The following TMEM132D variants were observed in gnomAD, a reference collection of about 807,000 sequenced individuals.
TMEM132D encodes transmembrane protein 132D.
In TMEM132D, 21 loss-of-function variants were observed where a neutral mutation model predicts 62.3. The ratio of observed to expected loss-of-function variants is 0.34; its 90% confidence interval spans 0.24 to 0.49. The LOEUF (loss-of-function observed/expected upper bound fraction) is 0.49. TMEM132D is among the 20% of genes least tolerant of loss of function. The probability of loss-of-function intolerance (pLI) is 0.99; values close to 1 mark genes in which losing one functional copy is unlikely to be tolerated. For synonymous variants in TMEM132D, 621 were observed against 575.6 expected (o/e 1.08, Z -1.13); for missense variants, 1,346 against 1,402.8 (o/e 0.96, Z 0.65).
At chr12:129,584,331 C>A (rs1877958291) in intron 2 of TMEM132D, among the ~76,000 whole-genome samples, 1 of 152,102 alleles carries the variant, frequency 6.6e-6, no homozygotes, top group East Asian at 1.9e-4. Context: ...AATAGCAAAC[C>A]CTAGTGATTG....
At chr12:129,540,212 G>A (rs773811083) in intron 2 of TMEM132D, among the ~76,000 whole-genome samples, 4 of 152,102 alleles carry the variant, frequency 2.6e-5, no homozygotes, top group Non-Finnish European at 4.4e-5. Context: ...AAGGGTCCCC[G>A]AGGCCAGGCA....
chr12:129,192,883 A>G (rs569765139), intron 5 of TMEM132D, among the ~76,000 whole-genome samples: 6 of 152,346 alleles, frequency 3.9e-5, no homozygotes, highest in Admixed American at 3.9e-4. Context: ...CAAAAATTAT[A>G]TAACAGGCCA....
chr12:129,347,886 C>T (rs1227266741), intron 3 of TMEM132D, among the ~76,000 whole-genome samples: 1 of 151,988 alleles, frequency 6.6e-6, no homozygotes, highest in Non-Finnish European at 1.5e-5. Context: ...CCCATCAAAA[C>T]GTGGGCAAAG....
intron 1 of TMEM132D, among the ~76,000 whole-genome samples, chr12:129,754,452 A>G (rs1870100200): frequency 6.6e-6 from 1 of 152,166 alleles, no homozygotes; most frequent in Admixed American, 6.5e-5. Flanking sequence ...GCTGTTACCA[A>G]AAGAGTTCAT....
rs144531109 is a variant in TMEM132D, at chr12:129,723,337, A to G, written c.80-22639T>C. 2.0e-5 allele frequency among the ~76,000 whole-genome samples: 3 copies of G among 152,210 alleles called. 1 individual carries two copies. The East Asian group carries it at 5.8e-4, about 29-fold the overall frequency. On this transcript the variant is annotated intron_variant, in intron 1 of 8. Transcript: ENST00000422113. ...GTTCTGGGACTGGTTTTCAGTGACC[A>G]TGTTGGTAGCTCTGTCTGTCCATGC...
Position 129,782,591 on chromosome 12 carries a change from G to T in TMEM132D, c.80-81893C>A, listed in dbSNP as rs1871149762. Among the ~76,000 whole-genome samples the T allele has an allele frequency of 2.0e-5, 3 of 152,200 alleles. No individual in the cohort carries two copies. In the South Asian group the frequency reaches 6.2e-4, roughly 32 times the overall value. ...CTGTGCCCCAGCCACTGGGAAAAGG[G>T]GAAGGGAAAAGGAAGCTCAGGTGTA... On this transcript the variant is annotated intron_variant, in intron 1 of 8. Transcript: ENST00000422113.
intron 1 of TMEM132D, among the ~76,000 whole-genome samples, chr12:129,732,994 T>A (rs1208928552): frequency 1.3e-5 from 2 of 152,238 alleles, no homozygotes; most frequent in Non-Finnish European, 2.9e-5. Context: ...ATGGATCCCA[T>A]GGGGACAGAG....
intron 1 of TMEM132D, among the ~76,000 whole-genome samples, chr12:129,825,314 C>T (rs768557582): frequency 2.0e-5 from 3 of 152,090 alleles, no homozygotes; most frequent in African/African-American, 4.8e-5. Flanking sequence ...CCACTGCGCC[C>T]GGCCCAGTCA....
At chr12:129,408,700 G>A (rs531015896) in intron 3 of TMEM132D, among the ~76,000 whole-genome samples, 22 of 151,960 alleles carry the variant, frequency 1.4e-4, no homozygotes, top group African/African-American at 4.8e-4. Context: ...GAGGGTTTAC[G>A]ATATTTATGA....
rs553138098 is a variant in TMEM132D at position 129,657,170 on chromosome 12, C to A, written c.968+42640G>T. On this transcript the variant is annotated intron_variant, in intron 2 of 8. Coordinates refer to ENST00000422113, the MANE Select transcript of TMEM132D (RefSeq NM_133448.3). ...TTCAGCTTTCATGACAAAGAGAATT[C>A]TCCTGAGATGCATGTGTTCACCAGC... 2.0e-5 allele frequency among the ~76,000 whole-genome samples: 3 copies of A among 152,302 alleles called. No homozygotes were observed. The East Asian group carries it at 5.8e-4, about 29-fold the overall frequency.
At chr12:129,834,066 G>A (rs1313126675) in intron 1 of TMEM132D, among the ~76,000 whole-genome samples, 4 of 152,170 alleles carry the variant, frequency 2.6e-5, no homozygotes, top group Non-Finnish European at 5.9e-5. Context: ...TTCAAGGACT[G>A]AGGCCCATCT....
chr12:129,670,944 T>G (rs1880487295), intron 2 of TMEM132D, among the ~76,000 whole-genome samples: 2 of 152,160 alleles, frequency 1.3e-5, no homozygotes, highest in South Asian at 4.1e-4. Flanking sequence ...CAGCAGAAGT[T>G]CGCACAATAT....
At chr12:129,802,986 T>A (rs1342021540) in intron 1 of TMEM132D, among the ~76,000 whole-genome samples, 2 of 150,596 alleles carry the variant, frequency 1.3e-5, no homozygotes, top group East Asian at 2.0e-4. Context: ...CAAGAAGAGC[T>A]AACTATCCTA....
At chr12:129,739,789 A>G (rs1869542422) in intron 1 of TMEM132D, among the ~76,000 whole-genome samples, 1 of 152,172 alleles carries the variant, frequency 6.6e-6, no homozygotes. Context: ...GAGGTCTTCT[A>G]CAGATGAAGT....
intron 1 of TMEM132D, among the ~76,000 whole-genome samples, chr12:129,777,626 A>G (rs2137287998): frequency 6.6e-6 from 1 of 152,334 alleles, no homozygotes; most frequent in South Asian, 2.1e-4. Context: ...AAACAGAAAG[A>G]GGACAACCAC....
At chr12:129,561,249 A>G (rs551864944) in intron 2 of TMEM132D, among the ~76,000 whole-genome samples, 1 of 152,308 alleles carries the variant, frequency 6.6e-6, no homozygotes, top group South Asian at 2.1e-4. Context: ...AACTTGGGAT[A>G]AACAGTCTGA....
chr12:129,643,086 G>C (rs369365795), intron 2 of TMEM132D, among the ~76,000 whole-genome samples: 192 of 151,940 alleles, frequency 1.3e-3, no homozygotes, highest in African/African-American at 4.1e-3. Context: ...CACCACGCCC[G>C]ACTAATTTTC....
chr12:129,299,873 A>T (rs1036571016), intron 4 of TMEM132D, among the ~76,000 whole-genome samples: 7 of 152,206 alleles, frequency 4.6e-5, no homozygotes, highest in African/African-American at 1.7e-4. Flanking sequence ...TGCTGGACTG[A>T]ATCCTTTCCA....
chr12:129,891,528 T>C (rs1874924579), intron 1 of TMEM132D, among the ~76,000 whole-genome samples: 1 of 152,326 alleles, frequency 6.6e-6, no homozygotes, highest in African/African-American at 2.4e-5. Context: ...CTGGACACTT[T>C]CAAATCCGGC....
Sources: allele counts gnomAD v4.1 joint callset (sites outside exome capture counted in the v4.1 genomes callset), GRCh38; gene constraint gnomAD v4.1.1; transcripts MANE v1.5; gene names NCBI Gene and HGNC (gene_info 2026-07-23, HGNC 2026-07-21).